CXCL13: variants seen among roughly 807,000 people sequenced by gnomAD.
The protein encoded by CXCL13 is C-X-C motif chemokine 13.
CXCL13 carries 7 observed loss-of-function variants against 12.2 expected under a neutral mutation model. The ratio of observed to expected loss-of-function variants is 0.57; its 90% CI spans 0.33 to 1.07. CXCL13 has a LOEUF of 1.07. CXCL13 is among the 50% of genes least tolerant of loss of function. The probability of loss-of-function intolerance (pLI) is 0.04; values close to 1 mark genes in which losing one functional copy is unlikely to be tolerated. For synonymous variants in CXCL13, 47 were observed against 42.4 expected (o/e 1.11, Z -0.42); for missense variants, 113 against 127.4 (o/e 0.89, Z 0.55).
intron 1 of CXCL13, among the ~76,000 whole-genome samples, chr4:77,538,869 G>C (rs1321532174): frequency 6.6e-6 from 1 of 152,108 alleles, no homozygotes; most frequent in African/African-American, 2.4e-5. Flanking sequence ...AATCCATTTG[G>C]GTCTGTAGCA....
chr4:77,601,114 G>A (rs963008869), upstream of CXCL13, among the ~76,000 whole-genome samples: 4 of 152,060 alleles, frequency 2.6e-5, no homozygotes, highest in East Asian at 1.9e-4. Context: ...AATAGCTTTC[G>A]GTACACACGT....
rs1229581882 is a variant in CXCL13, at chr4:77,611,610, A to T, written c.*571A>T. On this transcript the variant is annotated 3_prime_UTR_variant, in exon 4 of 4. Coordinates refer to ENST00000682537, the MANE Select transcript of CXCL13 (RefSeq NM_001371558.1). ...AAATTTACTGTCTAAGATTAATAGC[A>T]TTCGAAGATCCCCAGACTTCATAGA... The T allele has an allele frequency of 5.0e-6, 2 of 398,562 alleles. No individual in the cohort carries two copies. The highest frequency in any genetic ancestry group is 8.8e-6 in the Non-Finnish European group (2 of 226,070). The allele number at this position is 398,562 out of a possible 1,614,324, so 24.7% of individuals were successfully genotyped here. A position where few individuals can be genotyped will look rare whatever the true frequency, so the allele number is the denominator to read the frequency against.
At chr4:77,544,928 G>C (rs1289923206) in intron 1 of CXCL13, among the ~76,000 whole-genome samples, 1 of 152,126 alleles carries the variant, frequency 6.6e-6, no homozygotes, top group Non-Finnish European at 1.5e-5. Context: ...TTTGTATAAG[G>C]GGTAAGGAAG....
chr4:77,518,185 C>T (rs1308743691), intron 1 of CXCL13, among the ~76,000 whole-genome samples: 1 of 152,172 alleles, frequency 6.6e-6, no homozygotes, highest in African/African-American at 2.4e-5. Flanking sequence ...GATGGGCTTC[C>T]CTTTGTGGGT....
chr4:77,528,527 A>G (rs979233494), intron 1 of CXCL13, among the ~76,000 whole-genome samples: 2 of 152,214 alleles, frequency 1.3e-5, no homozygotes, highest in Non-Finnish European at 2.9e-5. Flanking sequence ...TCTGATGGCC[A>G]CTGATGATGA....
intron 1 of CXCL13, among the ~76,000 whole-genome samples, chr4:77,580,623 C>T (rs1364391967): frequency 2.0e-5 from 3 of 151,872 alleles, no homozygotes. Context: ...CCATGCCCAG[C>T]CGGGCTCTTA....
In CXCL13 at chr4:77,596,817, A is replaced by C. The variant is rs538951896; in HGVS notation, c.-42-9007A>C. Among the ~76,000 whole-genome samples the C allele has an allele frequency of 1.4e-3, 206 of 151,924 alleles. 1 individual carries two copies. The highest frequency in any genetic ancestry group is 4.8e-3 in the African/African-American group (200 of 41,474). ...AAAAAAAAAAAAGAAAAGAAAAAGA[A>C]GAAAAGAAAGAAGTCAATACCCTGA... is the stretch of plus-strand genomic sequence containing the variant. On this transcript the variant is annotated intron_variant, in intron 1 of 4. Transcript: ENST00000286758.
intron 1 of CXCL13, among the ~76,000 whole-genome samples, chr4:77,538,389 A>C (rs373727174): frequency 1.3e-5 from 2 of 150,640 alleles, no homozygotes; most frequent in Non-Finnish European, 3.0e-5. Context: ...AGGGTGTAAC[A>C]ATGAATTGTT....
At chr4:77,581,042 A>C (rs1049505386) in intron 1 of CXCL13, among the ~76,000 whole-genome samples, 4 of 152,108 alleles carry the variant, frequency 2.6e-5, no homozygotes, top group Non-Finnish European at 4.4e-5. Context: ...TAAAATACAG[A>C]ATAAGCAAAT....
At chr4:77,570,700 C>T (rs901250829) in intron 1 of CXCL13, among the ~76,000 whole-genome samples, 67 of 152,020 alleles carry the variant, frequency 4.4e-4, no homozygotes, top group African/African-American at 1.4e-3. Flanking sequence ...CTGCGCGCAG[C>T]GCTTGTGGGC....
intron 1 of CXCL13, among the ~76,000 whole-genome samples, chr4:77,585,394 C>A (rs979604291): frequency 2.0e-5 from 3 of 152,152 alleles, no homozygotes; most frequent in Admixed American, 2.0e-4. Context: ...GAGCAGGTTG[C>A]GGCTGATGTC....
intron 1 of CXCL13, among the ~76,000 whole-genome samples, chr4:77,576,138 C>A (rs967611547): frequency 6.6e-6 from 1 of 151,592 alleles, no homozygotes; most frequent in African/African-American, 2.4e-5. Context: ...GAGATTATGA[C>A]GTTGGAATAA....
At chr4:77,543,880 A>T (rs1029076409) in intron 1 of CXCL13, among the ~76,000 whole-genome samples, 38 of 152,030 alleles carry the variant, frequency 2.5e-4, no homozygotes, top group Admixed American at 2.6e-4. Flanking sequence ...TATTTCTCCT[A>T]ATGCTATACC....
chr4:77,587,728 G>C (rs559351329), intron 1 of CXCL13, among the ~76,000 whole-genome samples: 1 of 152,346 alleles, frequency 6.6e-6, no homozygotes, highest in East Asian at 1.9e-4. Context: ...GTAAGAGGAA[G>C]AGCCAGGATT....
At chr4:77,609,005 G>A (rs1016262955) in intron 2 of CXCL13, among the ~76,000 whole-genome samples, 3 of 152,162 alleles carry the variant, frequency 2.0e-5, no homozygotes, top group African/African-American at 7.2e-5. Context: ...ATCAAGTTCT[G>A]CATTTGTGAA....
chr4:77,512,359 A>G (rs1382202612), intron 1 of CXCL13, among the ~76,000 whole-genome samples: 1 of 152,202 alleles, frequency 6.6e-6, no homozygotes, highest in African/African-American at 2.4e-5. Context: ...TGTTGCTGCT[A>G]TTACTACTTC....
At chr4:77,533,494 A>G (rs957645165) in intron 1 of CXCL13, among the ~76,000 whole-genome samples, 1 of 152,154 alleles carries the variant, frequency 6.6e-6, no homozygotes, top group Non-Finnish European at 1.5e-5. Context: ...GACCCACTTG[A>G]GGAGGCAGTC....
chr4:77,570,969 G>T (rs1471647445), intron 1 of CXCL13, among the ~76,000 whole-genome samples: 1 of 152,014 alleles, frequency 6.6e-6, no homozygotes, highest in Non-Finnish European at 1.5e-5. Flanking sequence ...TTCCTGTGCA[G>T]CCCGAGACTC....
chr4:77,547,906 G>A (rs1452815345), intron 1 of CXCL13, among the ~76,000 whole-genome samples: 3 of 152,024 alleles, frequency 2.0e-5, no homozygotes, highest in East Asian at 1.9e-4. Context: ...CTTCCTTCAG[G>A]AGCTCTTGTA....
Sources: gnomAD v4.1 joint callset for allele counts (sites outside exome capture counted in the v4.1 genomes callset) on GRCh38, gnomAD v4.1.1 for gene constraint, MANE v1.5 for transcripts, NCBI Gene and HGNC (gene_info 2026-07-23, HGNC 2026-07-21) for gene names.